Variants in ATG10 observed in about 807,000 individuals in gnomAD.
ATG10 encodes the protein ubiquitin-like-conjugating enzyme ATG10.
ATG10 carries 30 observed loss-of-function variants against 32.1 expected under a neutral mutation model. That is an observed-to-expected ratio of 0.94 (90% CI 0.70 to 1.27). ATG10 has a LOEUF of 1.27. Among genes scored for constraint, ATG10 ranks in the 50% most tolerant of loss-of-function variants. ATG10 has a pLI of 0.00. For missense variants in ATG10, 233 were observed against 262.3 expected (o/e 0.89, Z 0.77); for synonymous variants, 87 against 91.5 (o/e 0.95, Z 0.28).
intron 3 of ATG10, among the ~76,000 whole-genome samples, chr5:82,096,886 T>C (rs1172000486): frequency 6.6e-6 from 1 of 152,192 alleles, no homozygotes; most frequent in African/African-American, 2.4e-5. Context: ...TCAAATAATA[T>C]CTCCTGTCTT....
intron 3 of ATG10, among the ~76,000 whole-genome samples, chr5:82,061,278 C>A (rs1287204548): frequency 1.3e-5 from 2 of 152,130 alleles, no homozygotes; most frequent in Admixed American, 6.5e-5. Flanking sequence ...TATACATATA[C>A]AAACATGTAA....
At chr5:82,154,578 A>G (rs1767737119) in intron 3 of ATG10, among the ~76,000 whole-genome samples, 1 of 152,174 alleles carries the variant, frequency 6.6e-6, no homozygotes, top group African/African-American at 2.4e-5. Context: ...ATCTAGCTCC[A>G]AATTCTGTGC....
At chr5:82,094,047 A>G (rs1314466803) in intron 3 of ATG10, among the ~76,000 whole-genome samples, 2 of 152,130 alleles carry the variant, frequency 1.3e-5, no homozygotes, top group African/African-American at 2.4e-5. Flanking sequence ...ATCTGTACTT[A>G]GCTGAAGATT....
chr5:82,058,621 C>G lies in ATG10; in HGVS notation c.216+19C>G. 1 of 1,512,590 alleles carries G rather than the reference C, an allele frequency of 6.6e-7. No homozygotes were observed. The highest frequency in any genetic ancestry group is 9.2e-7 in the Non-Finnish European group (1 of 1,091,528). The allele number at this position is 1,512,590 out of a possible 1,614,324, so 93.7% of individuals were successfully genotyped here. A position where few individuals can be genotyped will look rare whatever the true frequency, so the allele number is the denominator to read the frequency against. ...CATGGAGGTGAGTAGTTTAATGCAT[C>G]ATGTTCTTTTCAGTCTCCGTAAAGT... On this transcript the variant is annotated intron_variant, in intron 3 of 7. Coordinates refer to ENST00000282185, the MANE Select transcript of ATG10 (RefSeq NM_031482.5).
Position 82,226,504 on chromosome 5 carries a change from T to C in ATG10, c.454-26058T>C, listed in dbSNP as rs114059418. On this transcript the variant is annotated intron_variant, in intron 5 of 7. Transcript: ENST00000282185. ...TTACCAAAAGATTATTTTGATACTT[T>C]ATTAAAAGTCCTACAGCTCTAGCAT... Among the ~76,000 whole-genome samples the C allele has an allele frequency of 5.2e-3, 792 of 152,322 alleles. 6 individuals carry two copies. The highest frequency in any genetic ancestry group is 0.018 in the African/African-American group (748 of 41,578).
At chr5:82,118,397 T>TAC (rs1194050001) in intron 3 of ATG10, among the ~76,000 whole-genome samples, 2 of 121,308 alleles carry the variant, frequency 1.6e-5, no homozygotes, top group African/African-American at 5.9e-5. Flanking sequence ...CATATATATA[T>TAC]ATATATATGT....
chr5:82,189,219 G>A lies in ATG10; in HGVS notation c.453+10632G>A, dbSNP rs116088786. On this transcript the variant is annotated intron_variant, in intron 5 of 7. Coordinates refer to ENST00000282185, the MANE Select transcript of ATG10 (RefSeq NM_031482.5). ...CAAAGCAAGTGAATAATAACTAAAT[G>A]GTGGATGGGAAAAGGCAGTTTTAAT... Among the ~76,000 whole-genome samples the A allele has an allele frequency of 4.7e-3, 720 of 152,260 alleles. 3 individuals carry two copies. Among genetic ancestry groups the A allele is most frequent in the Non-Finnish European group, 7.3e-3 (499 of 68,008 alleles).
chr5:82,039,360 AT>A (rs964603799), intron 2 of ATG10, among the ~76,000 whole-genome samples: 30 of 152,090 alleles, frequency 2.0e-4, no homozygotes, highest in African/African-American at 6.8e-4. Context: ...TATTGATAAG[AT>A]TTTTTTTCTC....
chr5:82,252,679 T>C lies in ATG10; in HGVS notation c.551+20T>C, dbSNP rs989119432. ...CAATAAGTAAGAAACACCATCAAGA[T>C]ACATTGGCTTCTACTCTGATTTTAA... On this transcript the variant is annotated intron_variant, in intron 6 of 7. Transcript: ENST00000282185. 8.6e-6 allele frequency: 12 copies of C among 1,403,206 alleles called. No homozygotes were observed. The highest frequency in any genetic ancestry group is 1.2e-5 in the South Asian group (1 of 80,384). The allele number at this position is 1,403,206 out of a possible 1,614,324, so 86.9% of individuals were successfully genotyped here.
At chr5:82,210,879 G>T (rs1465405917) in intron 5 of ATG10, among the ~76,000 whole-genome samples, 2 of 152,212 alleles carry the variant, frequency 1.3e-5, no homozygotes, top group Non-Finnish European at 2.9e-5. Flanking sequence ...GACTGAGGAA[G>T]TTGGAGAGTT....
chr5:81,984,325 G>A (rs1205561729), intron 1 of ATG10, among the ~76,000 whole-genome samples: 3 of 152,386 alleles, frequency 2.0e-5, no homozygotes, highest in African/African-American at 7.2e-5. Flanking sequence ...CACTCCGCAG[G>A]CTGAGGCAGG....
chr5:82,214,135 G>A (rs1459986386), intron 5 of ATG10, among the ~76,000 whole-genome samples: 2 of 152,298 alleles, frequency 1.3e-5, no homozygotes, highest in East Asian at 3.9e-4. Context: ...CTCATACCAT[G>A]TGGACTTCCA....
At chr5:82,024,453 A>G (rs1762538745) in intron 2 of ATG10, among the ~76,000 whole-genome samples, 1 of 152,216 alleles carries the variant, frequency 6.6e-6, no homozygotes, top group South Asian at 2.1e-4. Context: ...ATGTCTGTTT[A>G]ATAAAAGAAT....
chr5:82,048,725 A>G (rs1323288371), intron 2 of ATG10, among the ~76,000 whole-genome samples: 2 of 152,046 alleles, frequency 1.3e-5, no homozygotes, highest in African/African-American at 4.8e-5. Flanking sequence ...AACCCCATCA[A>G]AAAGTGGGCG....
intron 2 of ATG10, among the ~76,000 whole-genome samples, chr5:81,995,986 G>T (rs1417747589): frequency 6.6e-6 from 1 of 152,190 alleles, no homozygotes; most frequent in Non-Finnish European, 1.5e-5. Flanking sequence ...TGCAGATCTA[G>T]ATAACTAGTT....
At chr5:82,075,480 C>T (rs187533126) in intron 3 of ATG10, among the ~76,000 whole-genome samples, 6 of 152,074 alleles carry the variant, frequency 3.9e-5, no homozygotes, top group African/African-American at 1.4e-4. Context: ...AGGTTTTATA[C>T]TATATTGTAT....
In ATG10 at chr5:82,245,394, C is replaced by G. The variant is rs558946038; in HGVS notation, c.454-7168C>G. Reference sequence around the variant, plus strand: ...TGCACCGTTAACATGCCTCAAATTACTTGTAAATTCTCTACTCTACTTTCC... The same window carrying G: ...TGCACCGTTAACATGCCTCAAATTAGTTGTAAATTCTCTACTCTACTTTCC... On this transcript the variant is annotated intron_variant, in intron 5 of 7. Transcript: ENST00000282185. 1.1e-3 allele frequency among the ~76,000 whole-genome samples: 175 copies of G among 152,316 alleles called. 2 individuals are homozygous for G. Among genetic ancestry groups the G allele is most frequent in the Admixed American group, 2.3e-3 (35 of 15,288 alleles).
intron 2 of ATG10, among the ~76,000 whole-genome samples, chr5:82,056,763 G>T (rs1258283898): frequency 6.6e-6 from 1 of 152,144 alleles, no homozygotes; most frequent in Admixed American, 6.5e-5. Context: ...TCTCAATCAG[G>T]AGAATTGAGG....
intron 5 of ATG10, among the ~76,000 whole-genome samples, chr5:82,198,576 A>G (rs1011041489): frequency 3.9e-5 from 6 of 152,206 alleles, no homozygotes; most frequent in Admixed American, 3.3e-4. Context: ...TGCACTATCT[A>G]CATGTTTTCT....
Sources: allele counts gnomAD v4.1 joint callset (sites outside exome capture counted in the v4.1 genomes callset), GRCh38; gene constraint gnomAD v4.1.1; transcripts MANE v1.5; gene names NCBI Gene and HGNC (gene_info 2026-07-23, HGNC 2026-07-21).